Variants in ABR observed in about 807,000 individuals in gnomAD.
The protein encoded by ABR is active breakpoint cluster region-related protein.
ABR carries 35 observed loss-of-function variants against 107.2 expected under a neutral mutation model. That is an observed-to-expected ratio of 0.33 (90% confidence interval 0.25 to 0.43). The LOEUF is 0.43. Among genes scored for constraint, ABR ranks in the 20% least tolerant of loss-of-function variants. The pLI is 1.00. For synonymous variants in ABR, 498 were observed against 462.0 expected (o/e 1.08, Z -1.00); for missense variants, 815 against 1,115.2 (o/e 0.73, Z 3.83).
chr17:1,077,430 A>C (rs2035823853), intron 6 of ABR, among the ~76,000 whole-genome samples: 1 of 152,170 alleles, frequency 6.6e-6, no homozygotes, highest in Non-Finnish European at 1.5e-5. Flanking sequence ...AGGGAGGCAG[A>C]GTCAAGACCT....
intron 1 of ABR, among the ~76,000 whole-genome samples, chr17:1,145,699 C>T (rs546804149): frequency 6.6e-6 from 1 of 152,300 alleles, no homozygotes; most frequent in East Asian, 1.9e-4. Context: ...CCAGAGAGGC[C>T]AGCAAGACTC....
In ABR at chr17:1,012,714, G is replaced by A. The variant is rs145228432; in HGVS notation, c.1935C>T (p.Phe645=). ...TCGTCACCACGCTGATCTTCACACC[G>A]AAGACGCCGGTCTGCTTTTTGGACG... ...RTPSKKQTGV[F]GVKISVVTKR... is the part of the protein sequence containing the mutation. The change falls in exon 18 of 23, where the codon TTC becomes TTT. Residue 645 remains phenylalanine (F), a synonymous_variant. Coordinates refer to ENST00000302538, the MANE Select transcript of ABR (RefSeq NM_021962.5). The A allele has an allele frequency of 9.2e-5, 147 of 1,590,888 alleles. No individual in the cohort carries two copies. Among genetic ancestry groups the A allele is most frequent in the South Asian group, 3.2e-4 (28 of 87,622 alleles).
intron 13 of ABR, among the ~76,000 whole-genome samples, chr17:1,056,734 A>G (rs531167249): frequency 6.6e-6 from 1 of 152,234 alleles, no homozygotes; most frequent in East Asian, 1.9e-4. Context: ...TCTCATGAAT[A>G]TATTAACAGC....
Position 1,086,661 on chromosome 17 carries a change from C to T in ABR, c.532-3034G>A, listed in dbSNP as rs995854727. Among the ~76,000 whole-genome samples, 17 of 152,238 alleles carry T rather than the reference C, an allele frequency of 1.1e-4. No individual in the cohort carries two copies. In the South Asian group the frequency reaches 2.7e-3, roughly 24 times the overall value. On this transcript the variant is annotated intron_variant, in intron 4 of 22. Coordinates refer to ENST00000302538, the MANE Select transcript of ABR (RefSeq NM_021962.5). ...GACTACAGGCACGCACCACCACACC[C>T]GGCTAGTTTTTGTATTTTTAGTAGA...
In ABR at chr17:1,009,705, G is replaced by T. The variant is rs1233302117; in HGVS notation, c.2316C>A (p.Phe772Leu). The T allele has an allele frequency of 6.2e-7, 1 of 1,614,030 alleles. No individual in the cohort carries two copies. Among genetic ancestry groups the T allele is most frequent in the Admixed American group, 1.7e-5 (1 of 60,030 alleles). Reference sequence around the variant, plus strand: ...TTTTCAAGTGTTCCAGCAGGAAGAGGAAGGTGATGAGGTTGGGGTCGGGCA... The same window carrying T: ...TTTTCAAGTGTTCCAGCAGGAAGAGTAAGGTGATGAGGTTGGGGTCGGGCA... ...RSLPDPNLIT[F>L]LFLLEHLKRV... Residue 772 changes from phenylalanine to leucine, a missense_variant, in exon 21 of 23, where the codon TTC becomes TTA. Phe to Leu is a conservative substitution (Grantham distance 22, BLOSUM62 0). This residue lies in a region of ABR where 175 missense variants were observed against 284.3 expected (regional missense o/e 0.62). Coordinates refer to ENST00000302538, the MANE Select transcript of ABR (RefSeq NM_021962.5).
chr17:1,089,895 G>C (rs1177412353), intron 4 of ABR, among the ~76,000 whole-genome samples: 1 of 152,224 alleles, frequency 6.6e-6, no homozygotes, highest in Non-Finnish European at 1.5e-5. Context: ...GCGAGGAGGA[G>C]GTTGCAGTGA....
chr17:1,105,351 G>T (rs142805623), intron 2 of ABR, among the ~76,000 whole-genome samples: 1 of 151,954 alleles, frequency 6.6e-6, no homozygotes. Context: ...ATTTGAAATC[G>T]TAAGAAAAAT....
chr17:1,183,721 G>A (rs565404316), upstream of ABR, among the ~76,000 whole-genome samples: 1 of 152,246 alleles, frequency 6.6e-6, no homozygotes, highest in South Asian at 2.1e-4. Flanking sequence ...TGATCACCCA[G>A]AGGTCACCGC....
intron 16 of ABR, among the ~76,000 whole-genome samples, chr17:1,025,476 C>A (rs962261204): frequency 3.3e-5 from 5 of 152,210 alleles, no homozygotes; most frequent in Admixed American, 2.0e-4. Flanking sequence ...CGGCTTCCCA[C>A]TGCATTCGGA....
chr17:1,169,943 C>A (rs2041645125), intron 1 of ABR, among the ~76,000 whole-genome samples: 1 of 147,614 alleles, frequency 6.8e-6, no homozygotes, highest in Non-Finnish European at 1.5e-5. Context: ...TCTCACTCTC[C>A]CTTTCTCTGT....
chr17:1,229,396 G>T (rs1246644018), exon 1 of ABR, among the ~76,000 whole-genome samples: 1 of 146,582 alleles, frequency 6.8e-6, no homozygotes, highest in Non-Finnish European at 1.5e-5. Context: ...TCGGCCTCGG[G>T]GTCGGGGCGC....
intron 16 of ABR, among the ~76,000 whole-genome samples, chr17:1,014,403 T>G (rs965176013): frequency 1.4e-5 from 2 of 146,558 alleles, no homozygotes; most frequent in Non-Finnish European, 3.0e-5. Flanking sequence ...ATCGCGCCAC[T>G]GCACTCCAGC....
rs936400716 is a variant in ABR, at chr17:1,074,260, C to T, written c.701-583G>A. ...CAGCCACGCCCCGTAGAGTCCAGCACACCTGCCACACGCAGAACCCCAGAA... is the reference window on the plus strand; with the variant it reads ...CAGCCACGCCCCGTAGAGTCCAGCATACCTGCCACACGCAGAACCCCAGAA... On this transcript the variant is annotated intron_variant, in intron 6 of 22. Transcript: ENST00000302538. 1.4e-4 allele frequency among the ~76,000 whole-genome samples: 21 copies of T among 147,084 alleles called. No individual in the cohort carries two copies. The East Asian group carries it at 2.2e-3, about 16-fold the overall frequency.
chr17:1,132,200 AACACACACACACACAAAGACACGC>A (rs2039873919), intron 1 of ABR, among the ~76,000 whole-genome samples: 1 of 151,360 alleles, frequency 6.6e-6, no homozygotes, highest in African/African-American at 2.4e-5. Flanking sequence ...TGTCTCTATG[AACACACACACACACAAAGACACGC>A]ACACACACAC....
chr17:1,072,625 G>C lies in ABR; in HGVS notation c.883C>G (p.Pro295Ala). ...IDPRRTAVTTPKGETRQLVKD... is the reference protein window; with the variant it reads ...IDPRRTAVTTAKGETRQLVKD... ...GGCTCTGAGCTCACCTCCCCCTTGG[G>C]CGTTGTCACTGCAGTCCGGCGGGGG... Residue 295 changes from proline to alanine, a missense_variant, in exon 8 of 23, where the codon CCC (proline) becomes GCC (alanine). Physicochemically the swap from Pro to Ala is conservative, Grantham distance 27. Around this residue, in one of 5 missense-constraint regions of ABR, gnomAD observed 385 missense variants for 596.9 expected, o/e 0.64. Transcript: ENST00000302538. The C allele has an allele frequency of 6.2e-7, 1 of 1,608,944 alleles. No homozygotes were observed. The highest frequency in any genetic ancestry group is 1.1e-5 in the South Asian group (1 of 90,390).
At chr17:1,076,823 C>A (rs950814565) in intron 6 of ABR, among the ~76,000 whole-genome samples, 2 of 151,958 alleles carry the variant, frequency 1.3e-5, no homozygotes, top group African/African-American at 4.8e-5. Flanking sequence ...GGCCCCTGCA[C>A]GCTGGGGTCC....
At chr17:1,227,306 G>T (rs1409511787) in intron 1 of ABR, among the ~76,000 whole-genome samples, 1 of 152,152 alleles carries the variant, frequency 6.6e-6, no homozygotes, top group Non-Finnish European at 1.5e-5. Flanking sequence ...ATGTGGGTCT[G>T]GGGGGAGACA....
At chr17:1,117,517 G>C (rs1453189141) in intron 2 of ABR, among the ~76,000 whole-genome samples, 262 of 3,024 alleles carry the variant, frequency 0.087, 116 homozygotes, top group Middle Eastern at 0.67. Flanking sequence ...TCCCTGAGCC[G>C]GAGTTCCTCC....
At chr17:1,215,396 G>C (rs1449231571) in intron 1 of ABR, among the ~76,000 whole-genome samples, 3 of 152,208 alleles carry the variant, frequency 2.0e-5, no homozygotes, top group East Asian at 3.8e-4. Flanking sequence ...GCGCTGCCAT[G>C]CCTGACTGGT....
Sources: gnomAD v4.1 joint callset for allele counts (sites outside exome capture counted in the v4.1 genomes callset) on GRCh38, gnomAD v4.1.1 for gene constraint, gnomAD v4.1.1 regional missense constraint, MANE v1.5 for transcripts, NCBI Gene and HGNC (gene_info 2026-07-23, HGNC 2026-07-21) for gene names.